The following CXCL13 variants were observed in gnomAD, a reference collection of about 807,000 sequenced individuals.
CXCL13 encodes C-X-C motif chemokine 13.
In CXCL13, 7 loss-of-function variants were observed where a neutral mutation model predicts 12.2. The observed-to-expected ratio is 0.57, with a 90% CI of 0.33 to 1.07. The LOEUF is 1.07. Among genes scored for constraint, CXCL13 ranks in the 50% least tolerant of loss-of-function variants. The probability of loss-of-function intolerance (pLI) is 0.04; values close to 1 mark genes in which losing one functional copy is unlikely to be tolerated. For missense variants in CXCL13, 113 were observed against 127.4 expected, an observed-to-expected ratio of 0.89 and a Z score of 0.55; for synonymous variants, 47 against 42.4, an observed-to-expected ratio of 1.11 and a Z score of -0.42.
intron 1 of CXCL13, among the ~76,000 whole-genome samples, chr4:77,556,257 G>C (rs1037203992): frequency 6.6e-6 from 1 of 152,116 alleles, no homozygotes; most frequent in Non-Finnish European, 1.5e-5. Context: ...TACAATAGAA[G>C]ACTATTTCAT....
At position 77,541,987 on chromosome 4, in the gene CXCL13, G is replaced by A. The variant is rs147262928; in HGVS notation, c.-43+30199G>A. Among the ~76,000 whole-genome samples the A allele has an allele frequency of 2.1e-3, 323 of 152,162 alleles. 2 individuals are homozygous for A. Among genetic ancestry groups the A allele is most frequent in the African/African-American group, 7.5e-3 (311 of 41,530 alleles). On this transcript the variant is annotated intron_variant, in intron 1 of 4. Transcript: ENST00000286758. ...TTGTGGCTATTGTGAATGGGATTGT[G>A]TTCTTGATTTGGTTCTCAGCTTGAA... is the stretch of plus-strand genomic sequence containing the variant.
At chr4:77,518,041 C>T (rs989943586) in intron 1 of CXCL13, among the ~76,000 whole-genome samples, 2 of 152,102 alleles carry the variant, frequency 1.3e-5, no homozygotes, top group African/African-American at 4.8e-5. Context: ...TTTTATTTCT[C>T]CTTCATTTAT....
At chr4:77,562,481 A>G (rs926361121) in intron 1 of CXCL13, among the ~76,000 whole-genome samples, 6 of 152,066 alleles carry the variant, frequency 3.9e-5, no homozygotes, top group African/African-American at 1.4e-4. Flanking sequence ...CTCTGTGTCT[A>G]GCTCAAGGTT....
chr4:77,523,834 C>T (rs1724686506), intron 1 of CXCL13, among the ~76,000 whole-genome samples: 1 of 152,180 alleles, frequency 6.6e-6, no homozygotes, highest in Non-Finnish European at 1.5e-5. Flanking sequence ...TGGTTTCTCC[C>T]CATCTTTGTG....
At chr4:77,543,507 C>G (rs1267146480) in intron 1 of CXCL13, among the ~76,000 whole-genome samples, 2 of 152,016 alleles carry the variant, frequency 1.3e-5, no homozygotes, top group Non-Finnish European at 2.9e-5. Context: ...ATTAACTTTC[C>G]TCTTAACATT....
At chr4:77,581,128 C>T (rs912166864) in intron 1 of CXCL13, among the ~76,000 whole-genome samples, 1 of 151,942 alleles carries the variant, frequency 6.6e-6, no homozygotes, top group African/African-American at 2.4e-5. Context: ...TAAAGAACCC[C>T]CAGGTTTCTT....
At chr4:77,560,667 C>T (rs1301402600) in intron 1 of CXCL13, among the ~76,000 whole-genome samples, 1 of 152,146 alleles carries the variant, frequency 6.6e-6, no homozygotes, top group African/African-American at 2.4e-5. Flanking sequence ...AGGATTTAGC[C>T]ACATTTTTAC....
chr4:77,607,971 G>A, intron 2 of CXCL13, 136 bp downstream of exon 2: 3 of 890,176 alleles, frequency 3.4e-6, no homozygotes, highest in Non-Finnish European at 5.1e-6. Context: ...AACTAATAAT[G>A]AAAATTGTTA....
chr4:77,514,502 CTGG>C (rs1724364514), intron 1 of CXCL13, among the ~76,000 whole-genome samples: 1 of 146,532 alleles, frequency 6.8e-6, no homozygotes, highest in African/African-American at 2.5e-5. Flanking sequence ...GCCATTCTAA[CTGG>C]TGTGAGATGA....
At chr4:77,527,028 C>G (rs1241392830) in intron 1 of CXCL13, among the ~76,000 whole-genome samples, 2 of 152,170 alleles carry the variant, frequency 1.3e-5, no homozygotes, top group Admixed American at 6.6e-5. Flanking sequence ...AACAAGACCT[C>G]AAGTGTGGGT....
chr4:77,548,420 A>G (rs1027116710), intron 1 of CXCL13, among the ~76,000 whole-genome samples: 12 of 152,230 alleles, frequency 7.9e-5, no homozygotes, highest in African/African-American at 1.9e-4. Flanking sequence ...TGGGACATCT[A>G]TGACACCAGA....
At position 77,517,292 on chromosome 4, in the gene CXCL13, A is replaced by G. The variant is rs554738162; in HGVS notation, c.-43+5504A>G. On this transcript the variant is annotated intron_variant, in intron 1 of 4. Coordinates refer to the CXCL13 transcript ENST00000286758. Reference sequence around the variant, plus strand: ...AAAAAATGTATATTCTGTTGATTTGAGGTGGAGAGTTCTGTAGATGTCTGT... The same window carrying G: ...AAAAAATGTATATTCTGTTGATTTGGGGTGGAGAGTTCTGTAGATGTCTGT... Among the ~76,000 whole-genome samples, 1,164 of 152,182 alleles carry G rather than the reference A, an allele frequency of 7.6e-3. 14 individuals are homozygous for G. Among genetic ancestry groups the G allele is most frequent in the African/African-American group, 0.025 (1,037 of 41,518 alleles).
chr4:77,578,549 T>G (rs1578062299), intron 1 of CXCL13, among the ~76,000 whole-genome samples: 1 of 152,170 alleles, frequency 6.6e-6, no homozygotes, highest in African/African-American at 2.4e-5. Flanking sequence ...CCACGAGAAT[T>G]TCATGCCTTC....
intron 1 of CXCL13, among the ~76,000 whole-genome samples, chr4:77,525,830 G>T (rs1724749189): frequency 2.0e-5 from 3 of 151,724 alleles, no homozygotes; most frequent in Admixed American, 1.3e-4. Flanking sequence ...ATGATGGTGT[G>T]AATTCCATCA....
chr4:77,519,248 G>A (rs1471091612), intron 1 of CXCL13, among the ~76,000 whole-genome samples: 1 of 152,158 alleles, frequency 6.6e-6, no homozygotes, highest in Admixed American at 6.5e-5. Flanking sequence ...CAGGGGTCAG[G>A]GACCCACTTG....
chr4:77,578,165 G>A (rs1294435072), intron 1 of CXCL13, among the ~76,000 whole-genome samples: 1 of 152,146 alleles, frequency 6.6e-6, no homozygotes, highest in Non-Finnish European at 1.5e-5. Flanking sequence ...AAGGCCTCAG[G>A]ATTCTTGAGC....
chr4:77,530,908 A>G (rs555127188), intron 1 of CXCL13, among the ~76,000 whole-genome samples: 1 of 151,732 alleles, frequency 6.6e-6, no homozygotes, highest in African/African-American at 2.4e-5. Context: ...TCTTGTGGGC[A>G]TTTAGTGCTA....
At chr4:77,524,042 C>A (rs765461058) in intron 1 of CXCL13, among the ~76,000 whole-genome samples, 6 of 152,072 alleles carry the variant, frequency 3.9e-5, no homozygotes, top group South Asian at 4.2e-4. Flanking sequence ...CCAGTGGAGG[C>A]TGCAGAACAG....
chr4:77,589,492 A>G (rs1389399966), intron 1 of CXCL13, among the ~76,000 whole-genome samples: 1 of 152,092 alleles, frequency 6.6e-6, no homozygotes, highest in Non-Finnish European at 1.5e-5. Context: ...TTTTGTTACT[A>G]TTAATCTCTT....
Sources: allele counts gnomAD v4.1 joint callset (sites outside exome capture counted in the v4.1 genomes callset), GRCh38; gene constraint gnomAD v4.1.1; transcripts MANE v1.5; gene names NCBI Gene and HGNC (gene_info 2026-07-23, HGNC 2026-07-21).